The following CTNNA2 variants were observed in gnomAD, a reference collection of about 807,000 sequenced individuals.
The protein encoded by CTNNA2 is catenin alpha 2.
In CTNNA2, 42 loss-of-function variants were observed where a neutral mutation model predicts 101.0. The ratio of observed to expected loss-of-function variants is 0.42; its 90% CI spans 0.32 to 0.54. The LOEUF is 0.54. CTNNA2 is among the 20% of genes least tolerant of loss of function. CTNNA2 has a pLI of 0.14. For synonymous variants in CTNNA2, 450 were observed against 456.4 expected (o/e 0.99, Z 0.18); for missense variants, 871 against 1,223.1 (o/e 0.71, Z 4.29).
intron 3 of CTNNA2, among the ~76,000 whole-genome samples, chr2:79,849,684 G>T (rs1680517238): frequency 6.6e-6 from 1 of 152,154 alleles, no homozygotes; most frequent in African/African-American, 2.4e-5. Context: ...CAAAGGAGTT[G>T]CTCCTTTCAC....
At chr2:79,699,775 A>T (rs1192045859) in intron 2 of CTNNA2, among the ~76,000 whole-genome samples, 1 of 135,782 alleles carries the variant, frequency 7.4e-6, no homozygotes, top group Non-Finnish European at 1.5e-5. Context: ...AATTTAGTCC[A>T]AAAAGAAAAA....
At chr2:79,560,958 C>T (rs1674741328) in intron 1 of CTNNA2, among the ~76,000 whole-genome samples, 1 of 151,802 alleles carries the variant, frequency 6.6e-6, no homozygotes. Flanking sequence ...CCATAAAATT[C>T]ACCCTTTTAA....
At position 80,462,631 on chromosome 2, in the gene CTNNA2, C is replaced by CTTTTTTTTTTTTTTTTTT. The variant is rs753815778; in HGVS notation, c.1290+43034_1290+43051dup. On this transcript the variant is annotated intron_variant, in intron 9 of 18. Coordinates refer to ENST00000402739, the MANE Select transcript of CTNNA2 (RefSeq NM_001282597.3). ...CCTTCCTTTCCTTCTTTCTTTCTTTCTTTTTTTTTTTTTTTTTTTTTGACG... is the reference window on the plus strand; with the variant it reads ...CCTTCCTTTCCTTCTTTCTTTCTTTCTTTTTTTTTTTTTTTTTTTTTTTTTTTTTTTTTTTTTTTGACG... Among the ~76,000 whole-genome samples, 39 of 94,754 alleles carry CTTTTTTTTTTTTTTTTTT rather than the reference C, an allele frequency of 4.1e-4. 1 individual carries two copies. Among genetic ancestry groups the CTTTTTTTTTTTTTTTTTT allele is most frequent in the East Asian group, 1.1e-3 (3 of 2,648 alleles). 62.2% of individuals were successfully genotyped at this position (94,754 alleles called of 152,430 possible).
chr2:79,481,579 C>T lies in CTNNA2; in HGVS notation c.-134-23475C>T, dbSNP rs921256669. Among the ~76,000 whole-genome samples, 5 of 152,080 alleles carry T rather than the reference C, an allele frequency of 3.3e-5. No homozygotes were observed. The South Asian group carries it at 8.3e-4, about 25-fold the overall frequency. ...TGTTCTTAACACACACGTACAAACACGTACACATACAAAATAAAACAAAAC... is the reference window on the plus strand; with the variant it reads ...TGTTCTTAACACACACGTACAAACATGTACACATACAAAATAAAACAAAAC... On this transcript the variant is annotated intron_variant, in intron 4 of 21. Coordinates refer to the CTNNA2 transcript ENST00000466387.
intron 2 of CTNNA2, among the ~76,000 whole-genome samples, chr2:79,299,617 A>T (rs138089651): frequency 6.6e-6 from 1 of 152,176 alleles, no homozygotes; most frequent in Non-Finnish European, 1.5e-5. Context: ...AAAGCAGCAA[A>T]TATGAGGTGT....
chr2:79,278,799 G>A (rs1424153321), intron 2 of CTNNA2, among the ~76,000 whole-genome samples: 1 of 152,068 alleles, frequency 6.6e-6, no homozygotes, highest in African/African-American at 2.4e-5. Context: ...AAGCCATCAG[G>A]CAATACATCA....
chr2:79,406,468 C>A (rs1678343104), intron 4 of CTNNA2, among the ~76,000 whole-genome samples: 1 of 152,024 alleles, frequency 6.6e-6, no homozygotes. Flanking sequence ...CCACCTCACT[C>A]TGGAAAGATT....
At chr2:79,894,460 T>G (rs1182955303) in intron 6 of CTNNA2, among the ~76,000 whole-genome samples, 1 of 152,124 alleles carries the variant, frequency 6.6e-6, no homozygotes, top group Non-Finnish European at 1.5e-5. Flanking sequence ...CTTAGCACAG[T>G]ACCAAATCGT....
At chr2:80,313,636 T>C (rs758505073) in intron 7 of CTNNA2, 1 of 1,608,792 alleles carries the variant, frequency 6.2e-7, no homozygotes, top group Non-Finnish European at 8.5e-7. Context: ...CTGAGATGCA[T>C]ACCATGTCTG....
At chr2:79,875,729 AGG>A (rs1682971948) in intron 6 of CTNNA2, among the ~76,000 whole-genome samples, 1 of 151,074 alleles carries the variant, frequency 6.6e-6, no homozygotes, top group African/African-American at 2.4e-5. Flanking sequence ...TTATTTCCTA[AGG>A]TTTTTTTTGT....
intron 1 of CTNNA2, among the ~76,000 whole-genome samples, chr2:79,598,391 G>A (rs947064854): frequency 7.2e-5 from 11 of 152,182 alleles, no homozygotes; most frequent in Non-Finnish European, 1.6e-4. Flanking sequence ...TACCAAACTG[G>A]CTTCCAAAGT....
chr2:79,750,401 A>G (rs919977140), intron 3 of CTNNA2, among the ~76,000 whole-genome samples: 1 of 152,128 alleles, frequency 6.6e-6, no homozygotes, highest in African/African-American at 2.4e-5. Context: ...TCCTCAGGTG[A>G]TTTCATTTTA....
intron 2 of CTNNA2, among the ~76,000 whole-genome samples, chr2:79,239,746 T>C (rs1341146228): frequency 6.6e-6 from 1 of 152,092 alleles, no homozygotes; most frequent in East Asian, 1.9e-4. Flanking sequence ...AAACTATCAT[T>C]GTCATGAACA....
At chr2:79,833,761 A>G (rs1288544551) in intron 3 of CTNNA2, among the ~76,000 whole-genome samples, 1 of 152,216 alleles carries the variant, frequency 6.6e-6, no homozygotes, top group Non-Finnish European at 1.5e-5. Context: ...ACCATAGAGC[A>G]GTCTTGCCAT....
intron 4 of CTNNA2, among the ~76,000 whole-genome samples, chr2:79,423,297 G>T (rs1217072879): frequency 2.6e-5 from 4 of 152,148 alleles, no homozygotes; most frequent in African/African-American, 9.7e-5. Flanking sequence ...AGACATGTAA[G>T]TAAAGCTGTT....
At chr2:79,903,090 A>G (rs2974171) in intron 6 of CTNNA2, among the ~76,000 whole-genome samples, 23,681 of 152,174 alleles carry the variant, frequency 0.16, 2,265 homozygotes, top group Middle Eastern at 0.24. Flanking sequence ...TTTGCAAAGT[A>G]GGAGTTTGAC....
At chr2:80,263,333 TA>T (rs1672759991) in intron 7 of CTNNA2, among the ~76,000 whole-genome samples, 1 of 152,210 alleles carries the variant, frequency 6.6e-6, no homozygotes, top group South Asian at 2.1e-4. Flanking sequence ...GAAGTGAATT[TA>T]TATATTTATT....
intron 2 of CTNNA2, among the ~76,000 whole-genome samples, chr2:79,215,069 C>T (rs985214414): frequency 3.3e-5 from 5 of 152,120 alleles, no homozygotes; most frequent in East Asian, 1.9e-4. Context: ...GATCGGGCAG[C>T]GTCAGTCTTC....
At chr2:80,443,623 C>G (rs989055676) in intron 9 of CTNNA2, among the ~76,000 whole-genome samples, 4 of 152,102 alleles carry the variant, frequency 2.6e-5, no homozygotes, top group Non-Finnish European at 4.4e-5. Context: ...GCTCTCAGAG[C>G]TATAAAATAA....
Sources: gnomAD v4.1 joint callset for allele counts (sites outside exome capture counted in the v4.1 genomes callset) on GRCh38, gnomAD v4.1.1 for gene constraint, MANE v1.5 for transcripts, NCBI Gene and HGNC (gene_info 2026-07-23, HGNC 2026-07-21) for gene names.